MAPKAP1: variants seen among roughly 807,000 people sequenced by gnomAD.
The protein encoded by MAPKAP1 is target of rapamycin complex 2 subunit MAPKAP1.
A neutral mutation model predicts 65.7 loss-of-function variants in MAPKAP1; 20 were observed. The observed-to-expected ratio is 0.30, with a 90% CI of 0.21 to 0.44. The LOEUF (loss-of-function observed/expected upper bound fraction) is 0.44. Among genes scored for constraint, MAPKAP1 ranks in the 20% least tolerant of loss-of-function variants. The pLI is 1.00. For missense variants in MAPKAP1, 423 were observed against 648.0 expected (o/e 0.65, Z 3.77); for synonymous variants, 222 against 244.3 (o/e 0.91, Z 0.85).
At chr9:125,508,838 A>T (rs905115932) in intron 7 of MAPKAP1, among the ~76,000 whole-genome samples, 10 of 152,190 alleles carry the variant, frequency 6.6e-5, no homozygotes, top group Non-Finnish European at 1.5e-4. Flanking sequence ...CTCCAAAAAA[A>T]TTTTTAAAAA....
chr9:125,483,868 A>G (rs1564526908), intron 9 of MAPKAP1, among the ~76,000 whole-genome samples: 1 of 151,910 alleles, frequency 6.6e-6, no homozygotes, highest in South Asian at 2.1e-4. Flanking sequence ...GGCAGCCATG[A>G]TGATGATGAT....
intron 7 of MAPKAP1, among the ~76,000 whole-genome samples, chr9:125,539,604 A>C (rs935283881): frequency 1.3e-5 from 2 of 152,250 alleles, no homozygotes; most frequent in African/African-American, 4.8e-5. Flanking sequence ...TGTGAGGGTA[A>C]GCTTGACAGA....
At chr9:125,458,217 CT>C (rs35230535) in intron 10 of MAPKAP1, among the ~76,000 whole-genome samples, 43,756 of 133,544 alleles carry the variant, frequency 0.33, 6,760 homozygotes, top group African/African-American at 0.44. Context: ...CATATGGAGT[CT>C]TTTTTTTTTT....
intron 4 of MAPKAP1, among the ~76,000 whole-genome samples, chr9:125,626,748 ATTT>A (rs1468543049): frequency 1.1e-3 from 164 of 152,346 alleles, no homozygotes; most frequent in African/African-American, 3.8e-3. Flanking sequence ...AAGTAGATAC[ATTT>A]AATTCCATTT....
chr9:125,617,897 G>A (rs1832790530), intron 4 of MAPKAP1, among the ~76,000 whole-genome samples: 1 of 152,172 alleles, frequency 6.6e-6, no homozygotes, highest in Non-Finnish European at 1.5e-5. Context: ...ATAGGTACAT[G>A]AGTGACTATT....
At chr9:125,530,897 T>C (rs112652255) in intron 7 of MAPKAP1, among the ~76,000 whole-genome samples, 2,213 of 152,368 alleles carry the variant, frequency 0.015, 18 homozygotes, top group South Asian at 0.041. Context: ...ATAGGGATGA[T>C]GGCAGCTGAT....
At chr9:125,573,885 A>G (rs1304527041) in intron 5 of MAPKAP1, among the ~76,000 whole-genome samples, 2 of 152,186 alleles carry the variant, frequency 1.3e-5, no homozygotes, top group South Asian at 2.1e-4. Flanking sequence ...AGAGCACTTA[A>G]TTCAGTTTTA....
intron 4 of MAPKAP1, among the ~76,000 whole-genome samples, chr9:125,632,621 CT>C (rs1301423446): frequency 6.7e-6 from 1 of 149,984 alleles, no homozygotes; most frequent in African/African-American, 2.4e-5. Flanking sequence ...GTCAAGACCA[CT>C]TTAGTCCCTG....
intron 4 of MAPKAP1, among the ~76,000 whole-genome samples, chr9:125,596,798 G>A (rs548093203): frequency 1.2e-4 from 18 of 152,206 alleles, no homozygotes; most frequent in Admixed American, 8.5e-4. Context: ...CAAAAAACTC[G>A]AGGACTGTAT....
chr9:125,500,533 T>C (rs12685488), intron 8 of MAPKAP1, among the ~76,000 whole-genome samples: 2,975 of 152,260 alleles, frequency 0.02, 155 homozygotes, highest in East Asian at 0.15. Flanking sequence ...CAAATGTGTG[T>C]GTATAGGTAT....
intron 4 of MAPKAP1, among the ~76,000 whole-genome samples, chr9:125,639,067 C>T (rs535607218): frequency 6.6e-6 from 1 of 152,240 alleles, no homozygotes; most frequent in East Asian, 1.9e-4. Context: ...GGTGAAACCT[C>T]GTCTCTACCA....
chr9:125,526,773 TTTTTTC>T (rs1829781537), intron 7 of MAPKAP1, among the ~76,000 whole-genome samples: 1 of 149,150 alleles, frequency 6.7e-6, no homozygotes, highest in Non-Finnish European at 1.5e-5. Context: ...TATAGTTTTC[TTTTTTC>T]TTTTTTCTTT....
chr9:125,482,612 G>A (rs1313459564), intron 9 of MAPKAP1, among the ~76,000 whole-genome samples: 1 of 152,080 alleles, frequency 6.6e-6, no homozygotes, highest in African/African-American at 2.4e-5. Context: ...TCATTCATAG[G>A]TTCTTGGAAA....
chr9:125,618,966 T>C (rs575029592), intron 4 of MAPKAP1, among the ~76,000 whole-genome samples: 4 of 152,260 alleles, frequency 2.6e-5, no homozygotes, highest in African/African-American at 9.6e-5. Flanking sequence ...ACCCTATCTC[T>C]ACAAAAATTT....
chr9:125,548,171 C>T (rs904730384), intron 6 of MAPKAP1, among the ~76,000 whole-genome samples: 6 of 152,186 alleles, frequency 3.9e-5, no homozygotes, highest in Non-Finnish European at 5.9e-5. Context: ...CCTGAGATCA[C>T]TCATCTATTA....
At position 125,508,999 on chromosome 9, in the gene MAPKAP1, A is replaced by G. The variant is rs184911347; in HGVS notation, c.959-2582T>C. Among the ~76,000 whole-genome samples the G allele has an allele frequency of 5.2e-3, 788 of 152,258 alleles. 12 individuals carry two copies. The highest frequency in any genetic ancestry group is 0.027 in the South Asian group (130 of 4,832). On this transcript the variant is annotated intron_variant, in intron 7 of 11. Coordinates refer to ENST00000265960, the MANE Select transcript of MAPKAP1 (RefSeq NM_001006617.3). ...TAATATGCTACTTTATGAAAGCAGC[A>G]AATTACAGCACATTTTAAATTATAA...
At chr9:125,540,527 T>C (rs1830212746) in intron 7 of MAPKAP1, among the ~76,000 whole-genome samples, 1 of 152,232 alleles carries the variant, frequency 6.6e-6, no homozygotes, top group Non-Finnish European at 1.5e-5. Flanking sequence ...TCCCCCCTTC[T>C]TCACTGACGT....
chr9:125,607,923 T>G (rs1471880999), intron 4 of MAPKAP1, among the ~76,000 whole-genome samples: 2 of 152,116 alleles, frequency 1.3e-5, no homozygotes, highest in Non-Finnish European at 2.9e-5. Context: ...CAAAGTGACT[T>G]TGCTTTTAAT....
intron 8 of MAPKAP1, among the ~76,000 whole-genome samples, chr9:125,491,287 T>A (rs1377225450): frequency 6.6e-6 from 1 of 151,348 alleles, no homozygotes; most frequent in African/African-American, 2.4e-5. Flanking sequence ...CTACAAAAAA[T>A]ACAAAAATTA....
Sources: gnomAD v4.1 joint callset for allele counts (sites outside exome capture counted in the v4.1 genomes callset) on GRCh38, gnomAD v4.1.1 for gene constraint, MANE v1.5 for transcripts, NCBI Gene and HGNC (gene_info 2026-07-23, HGNC 2026-07-21) for gene names.